The following RNH1 variants were observed in gnomAD, a reference collection of about 807,000 sequenced individuals.
RNH1 encodes the protein ribonuclease inhibitor.
RNH1 carries 38 observed loss-of-function variants against 46.1 expected under a neutral mutation model. That is an observed-to-expected ratio of 0.82 (90% CI 0.64 to 1.08). RNH1 has a LOEUF of 1.08. Among genes scored for constraint, RNH1 ranks in the 50% least tolerant of loss-of-function variants. The pLI is 0.00. For missense variants in RNH1, 577 were observed against 590.7 expected (o/e 0.98, Z 0.24); for synonymous variants, 319 against 279.1 (o/e 1.14, Z -1.43).
rs942916995 is a variant in RNH1, at chr11:501,613, G to C, written c.101+449C>G. 2 of 169,102 alleles carry C rather than the reference G, an allele frequency of 1.2e-5. No individual in the cohort carries two copies. The highest frequency in any genetic ancestry group is 4.8e-5 in the African/African-American group (2 of 42,002). 10.5% of individuals were successfully genotyped at this position (169,102 alleles called of 1,614,324 possible). The stretch of plus-strand genomic sequence containing the variant: ...GAAATCACCAGGTAAAAAGAGAAAA[G>C]ATGCGGCCCACCCAGGCACTCGTGT... On this transcript the variant is annotated intron_variant, in intron 3 of 10. Transcript: ENST00000354420. The surrounding 1 kb of genome is among the most constrained non-coding windows in gnomAD (Gnocchi z 4.1).
At chr11:498,698 G>A in intron 7 of RNH1, 65 bp downstream of exon 7, 1 of 1,596,608 alleles carries the variant, frequency 6.3e-7, no homozygotes, top group South Asian at 1.1e-5. Flanking sequence ...CAGGGGCGGG[G>A]GAGAGCTCTG....
Position 499,838 on chromosome 11 carries a change from T to C in RNH1, c.434A>G (p.Glu145Gly). 1 of 1,607,854 alleles carries C rather than the reference T, an allele frequency of 6.2e-7. No individual in the cohort carries two copies. Among genetic ancestry groups the C allele is most frequent in the Non-Finnish European group, 8.5e-7 (1 of 1,176,774 alleles). The change falls in exon 5 of 11, where the codon GAA becomes GGA. Residue 145 changes from glutamate to glycine, a missense_variant. By Grantham distance (98) the Glu-to-Gly change is moderately conservative. Transcript: ENST00000354420. ...CAGGACACAAACTCACTGCAGCTTT[T>C]CCAGGCGGCACTGGGGGTCCAGGAG... ...EGLLDPQCRL[E>G]KLQLEYCSLS...
intron 8 of RNH1, 126 bp downstream of exon 8, chr11:498,331 T>C: frequency 7.4e-7 from 1 of 1,356,970 alleles, no homozygotes; most frequent in African/African-American, 1.4e-5. Flanking sequence ...CTCCCTGGCC[T>C]ATGCATTCTG....
Position 502,306 on chromosome 11 carries a change from G to A in RNH1, c.-87-57C>T, listed in dbSNP as rs1422243111. On this transcript the variant is annotated intron_variant, in intron 2 of 10. Coordinates refer to ENST00000354420, the MANE Select transcript of RNH1 (RefSeq NM_203387.3). This position sits in a 1 kb window ranked among gnomAD's most constrained non-coding sequence, Gnocchi z 5.8. ...AGGAGGAGCCGCAGCCTCTCCCTGG[G>A]CAAACACTTCCTCTTCAGCACCCTC... 2 of 674,360 alleles carry A rather than the reference G, an allele frequency of 3.0e-6. No homozygotes were observed. 41.8% of individuals were successfully genotyped at this position (674,360 alleles called of 1,614,324 possible).
chr11:497,889 T>TA, intron 9 of RNH1, 82 bp downstream of exon 9: 1 of 1,489,554 alleles, frequency 6.7e-7, no homozygotes, highest in Non-Finnish European at 9.1e-7. Flanking sequence ...CTCACACAGA[T>TA]ACTCGTGCAC....
chr11:500,310 C>A (rs1315393968), intron 4 of RNH1, 174 bp downstream of exon 4: 14 of 796,324 alleles, frequency 1.8e-5, no homozygotes, highest in Non-Finnish European at 2.1e-5. Context: ...AGGGCCCTGT[C>A]CCCCCCGCTG....
At chr11:496,056 C>T (rs1300559341) in intron 9 of RNH1, among the ~76,000 whole-genome samples, 1 of 152,124 alleles carries the variant, frequency 6.6e-6, no homozygotes, top group Non-Finnish European at 1.5e-5. Flanking sequence ...GACATCAGGA[C>T]AGGCTCATGG....
At chr11:499,767 AG>A (rs1192471338) in intron 5 of RNH1, 61 bp downstream of exon 5, 7 of 1,569,150 alleles carry the variant, frequency 4.5e-6, no homozygotes, top group Admixed American at 1.7e-5. Context: ...TGTTCTATGT[AG>A]GGGGCTGGCT....
chr11:499,539 TCACGGC>T (rs781519472), intron 5 of RNH1: 1 of 698,984 alleles, frequency 1.4e-6, no homozygotes, highest in South Asian at 1.5e-5. Flanking sequence ...GGAACCTGAC[TCACGGC>T]CAGGCATCTG....
intron 10 of RNH1, 48 bp downstream of exon 10, chr11:494,832 TTCC>T: frequency 1.3e-6 from 2 of 1,523,362 alleles, no homozygotes; most frequent in South Asian, 2.2e-5. Flanking sequence ...CACCCCCGCC[TTCC>T]TCCCTGGGCA....
At chr11:499,630 C>T (rs1445217860) in intron 5 of RNH1, 199 bp downstream of exon 5, 3 of 746,058 alleles carry the variant, frequency 4.0e-6, no homozygotes, top group South Asian at 3.0e-5. Flanking sequence ...GATGACAGAT[C>T]CCCCCAGCCC....
In RNH1 at chr11:494,647, G is replaced by A; in HGVS notation, c.*44C>T. On this transcript the variant is annotated 3_prime_UTR_variant, in exon 11 of 11. Transcript: ENST00000354420. ...GCAGGGGCTGGTGGGCCCCAGGGTT[G>A]CCTCGAGGCCGGTCGTCCAGGGAGA... The A allele has an allele frequency of 6.3e-7, 1 of 1,577,082 alleles. No individual in the cohort carries two copies. Among genetic ancestry groups the A allele is most frequent in the African/African-American group, 1.3e-5 (1 of 74,192 alleles).
Position 502,445 on chromosome 11 carries a change from C to T in RNH1, c.-87-196G>A, listed in dbSNP as rs1446327504. Reference sequence around the variant, plus strand: ...AGCTTGGGTAATGCAGATGCCAGCCCATCTCCTGGCTATCACCACCCAGCC... The same window carrying T: ...AGCTTGGGTAATGCAGATGCCAGCCTATCTCCTGGCTATCACCACCCAGCC... On this transcript the variant is annotated intron_variant, in intron 2 of 10. Transcript: ENST00000354420. This position sits in a 1 kb window ranked among gnomAD's most constrained non-coding sequence, Gnocchi z 5.8. The T allele has an allele frequency of 1.2e-5, 6 of 504,060 alleles. No homozygotes were observed. Among genetic ancestry groups the T allele is most frequent in the Non-Finnish European group, 2.2e-5 (6 of 276,722 alleles). The allele number at this position is 504,060 out of a possible 1,614,324, so 31.2% of individuals were successfully genotyped here.
rs1456424972 is a variant in RNH1, at chr11:497,644, C to T, written c.1127+327G>A. On this transcript the variant is annotated intron_variant, in intron 9 of 10. Transcript: ENST00000354420. ...TCTCACGTGCTCACACACGGACACT[C>T]GTGCTCTCACCCATGTGCTCACACA... 8.3e-5 allele frequency among the ~76,000 whole-genome samples: 12 copies of T among 145,124 alleles called. No homozygotes were observed. The East Asian group carries it at 2.0e-3, about 24-fold the overall frequency.
chr11:500,531 G>C lies in RNH1; in HGVS notation c.225C>G (p.Cys75Trp). 1 of 1,610,304 alleles carries C rather than the reference G, an allele frequency of 6.2e-7. No homozygotes were observed. Among genetic ancestry groups the C allele is most frequent in the Non-Finnish European group, 8.5e-7 (1 of 1,179,982 alleles). Residue 75 changes from cysteine (C) to tryptophan (W), a missense_variant, in exon 4 of 11, where the codon TGC becomes TGG. Physicochemically the swap from Cys to Trp is radical, Grantham distance 215. Transcript: ENST00000354420. ...AGGGGGTCTGCAGGCCCTGGAGCAC[G>C]CAATGCACGCCGACATCGCCCAGCT... ...SNELGDVGVH[C>W]VLQGLQTPSC...
rs750626202 is a variant in RNH1, at chr11:498,116, C to T, written c.982G>A (p.Ala328Thr). The T allele has an allele frequency of 2.9e-5, 47 of 1,613,718 alleles. No individual in the cohort carries two copies. Among genetic ancestry groups the T allele is most frequent in the Admixed American group, 1.2e-4 (7 of 60,012 alleles). The change falls in exon 9 of 11, where the codon GCC becomes ACC. Residue 328 changes from alanine (A) to threonine (T), a missense_variant. Physicochemically the swap from Ala to Thr is moderately conservative, Grantham distance 58. Coordinates refer to ENST00000354420, the MANE Select transcript of RNH1 (RefSeq NM_203387.3). ...LWVKSCSFTA[A>T]CCSHFSSVLA... ...ACTGAGCTGAAGTGGGAGCAGCAGG[C>T]GGCTGTGAAGCTGCAGGACTTCACC... is the stretch of plus-strand genomic sequence containing the variant.
chr11:502,151 G>A lies in RNH1; in HGVS notation c.12C>T (p.Asp4=), dbSNP rs1482831919. ...CACACTGGATGTCCAGGCTCTGGAT[G>A]TCCAGGCTCATGGTGGAGGTGAAGA... The part of the protein sequence containing the change: MSL[D]IQSLDIQCEE... The change falls in exon 3 of 11, where the codon GAC becomes GAT. Residue 4 remains aspartate (D), a synonymous_variant. Coordinates refer to ENST00000354420, the MANE Select transcript of RNH1 (RefSeq NM_203387.3). This position sits in a 1 kb window ranked among gnomAD's most constrained non-coding sequence, Gnocchi z 5.8. The A allele has an allele frequency of 6.2e-7, 1 of 1,607,632 alleles. No individual in the cohort carries two copies. Among genetic ancestry groups the A allele is most frequent in the East Asian group, 2.2e-5 (1 of 44,820 alleles).
chr11:494,970 T>C lies in RNH1; in HGVS notation c.1211A>G (p.Asp404Gly). ...LLANHSLREL[D>G]LSNNCLGDAG... Reference sequence around the variant, plus strand: ...GTCCCCCAGGCAGTTGTTGCTGAGGTCCAGCTCACGCAGGCTGTGGTTGGC... The same window carrying C: ...GTCCCCCAGGCAGTTGTTGCTGAGGCCCAGCTCACGCAGGCTGTGGTTGGC... Residue 404 changes from aspartate to glycine, a missense_variant, in exon 10 of 11, where the codon GAC becomes GGC. Asp to Gly is a moderately conservative substitution (Grantham distance 94). Coordinates refer to ENST00000354420, the MANE Select transcript of RNH1 (RefSeq NM_203387.3). 1 of 1,606,902 alleles carries C rather than the reference T, an allele frequency of 6.2e-7. No homozygotes were observed.
chr11:506,879 C>A (rs532738682), intron 1 of RNH1: 1 of 152,396 alleles, frequency 6.6e-6, no homozygotes, highest in South Asian at 2.1e-4. Context: ...ACCGCGATGA[C>A]GTCCTCAAGG....
Sources: gnomAD v4.1 joint callset for allele counts (sites outside exome capture counted in the v4.1 genomes callset) on GRCh38, gnomAD v4.1.1 for gene constraint, Gnocchi (gnomAD v3.1) non-coding constraint, MANE v1.5 for transcripts, NCBI Gene and HGNC (gene_info 2026-07-23, HGNC 2026-07-21) for gene names.